Variants in KIAA1217 observed in about 807,000 individuals in gnomAD.
KIAA1217 encodes KIAA1217.
In KIAA1217, 88 loss-of-function variants were observed where a neutral mutation model predicts 163.9. That is an observed-to-expected ratio of 0.54 (90% CI 0.45 to 0.64). The LOEUF (loss-of-function observed/expected upper bound fraction) is 0.64. Ranked by LOEUF, KIAA1217 falls within the 30% of genes least tolerant of loss-of-function variation. The pLI, the probability that KIAA1217 is intolerant of heterozygous loss-of-function variation, is 0.00. For missense variants in KIAA1217, 2,372 were observed against 2,475.0 expected (o/e 0.96, Z 0.88); for synonymous variants, 903 against 923.1 (o/e 0.98, Z 0.39).
intron 14 of KIAA1217, among the ~76,000 whole-genome samples, chr10:24,531,442 T>C (rs1030759159): frequency 4.6e-5 from 7 of 152,200 alleles, no homozygotes; most frequent in Non-Finnish European, 8.8e-5. Context: ...GCTTCAATTT[T>C]TTTTTTTTAT....
At chr10:23,950,545 G>A (rs906361461) in intron 1 of KIAA1217, among the ~76,000 whole-genome samples, 9 of 151,900 alleles carry the variant, frequency 5.9e-5, no homozygotes, top group African/African-American at 2.2e-4. Flanking sequence ...CTGCTCTAGG[G>A]GTTTACTGGC....
At chr10:24,388,340 A>G (rs1486414939) in intron 3 of KIAA1217, among the ~76,000 whole-genome samples, 1 of 152,242 alleles carries the variant, frequency 6.6e-6, no homozygotes, top group Non-Finnish European at 1.5e-5. Flanking sequence ...TGGTGCCGGG[A>G]AAACTGGCTA....
intron 1 of KIAA1217, among the ~76,000 whole-genome samples, chr10:23,956,858 AAAAC>A (rs1844585983): frequency 6.6e-6 from 1 of 152,172 alleles, no homozygotes; most frequent in African/African-American, 2.4e-5. Flanking sequence ...GGACAGCATC[AAAAC>A]ATTCATGAAG....
intron 3 of KIAA1217, among the ~76,000 whole-genome samples, chr10:24,400,741 A>C (rs2056428911): frequency 6.6e-6 from 1 of 152,142 alleles, no homozygotes; most frequent in Admixed American, 6.5e-5. Context: ...AAATATGAGG[A>C]AATCTCACAA....
chr10:23,789,135 A>G (rs1215023058), intron 1 of KIAA1217, among the ~76,000 whole-genome samples: 1 of 152,212 alleles, frequency 6.6e-6, no homozygotes, highest in Non-Finnish European at 1.5e-5. Context: ...TTAGTAAGTG[A>G]AAAGAGAAAT....
chr10:23,819,322 T>G (rs377296444), intron 1 of KIAA1217, among the ~76,000 whole-genome samples: 2 of 152,150 alleles, frequency 1.3e-5, no homozygotes, highest in African/African-American at 4.8e-5. Context: ...AGAGGTCTTC[T>G]TGAAAGAGAG....
At chr10:24,272,060 C>T (rs564739955) in intron 2 of KIAA1217, among the ~76,000 whole-genome samples, 25 of 152,224 alleles carry the variant, frequency 1.6e-4, no homozygotes, top group African/African-American at 2.2e-4. Context: ...CGGGAGACAA[C>T]CTGACATCTC....
Position 23,897,088 on chromosome 10 carries a change from C to T in KIAA1217, c.-320-110137C>T, listed in dbSNP as rs140848373. On this transcript the variant is annotated intron_variant, in intron 1 of 18. Transcript: ENST00000376462. ...AGGCAAATATATGAAGCTCTGCAAG[C>T]GTTCATATAGTTAAACTTGTTTATC... Among the ~76,000 whole-genome samples the T allele has an allele frequency of 9.5e-4, 144 of 152,104 alleles. No homozygotes were observed. In the South Asian group the frequency reaches 0.016, roughly 17 times the overall value.
At chr10:23,702,991 G>C (rs909926270) in intron 1 of KIAA1217, among the ~76,000 whole-genome samples, 5 of 151,982 alleles carry the variant, frequency 3.3e-5, no homozygotes, top group Admixed American at 2.6e-4. Context: ...CTCCCAAAGC[G>C]CTTCTGGTTG....
intron 2 of KIAA1217, among the ~76,000 whole-genome samples, chr10:24,201,865 C>T (rs1043823368): frequency 6.6e-6 from 1 of 152,208 alleles, no homozygotes; most frequent in Non-Finnish European, 1.5e-5. Context: ...AAAGCAGGGG[C>T]TACAGTGAGC....
intron 5 of KIAA1217, among the ~76,000 whole-genome samples, chr10:24,447,130 T>C (rs1027417428): frequency 1.3e-5 from 2 of 152,176 alleles, no homozygotes; most frequent in East Asian, 1.9e-4. Context: ...TGCCCCGCTC[T>C]CTTTGTGCAC....
intron 9 of KIAA1217, among the ~76,000 whole-genome samples, chr10:24,503,102 C>T (rs545465639): frequency 5.3e-5 from 8 of 152,168 alleles, no homozygotes; most frequent in African/African-American, 1.4e-4. Context: ...TTCAGCACAG[C>T]GACAGCACAA....
At chr10:24,227,937 T>G (rs1458025726) in intron 2 of KIAA1217, among the ~76,000 whole-genome samples, 2 of 152,124 alleles carry the variant, frequency 1.3e-5, no homozygotes, top group South Asian at 2.1e-4. Context: ...CAGGCTTCCT[T>G]AGGGTCCCCT....
intron 17 of KIAA1217, among the ~76,000 whole-genome samples, chr10:24,540,662 G>A (rs980899117): frequency 3.9e-5 from 6 of 152,160 alleles, no homozygotes; most frequent in Non-Finnish European, 7.3e-5. Context: ...ATCCATCCAC[G>A]ATTCAGGGGG....
At chr10:24,064,270 C>T (rs1037453889) in intron 2 of KIAA1217, among the ~76,000 whole-genome samples, 1 of 152,104 alleles carries the variant, frequency 6.6e-6, no homozygotes, top group South Asian at 2.1e-4. Context: ...ATGATATTGG[C>T]TGTGGGTTTG....
chr10:23,756,373 G>A (rs1168942572), intron 1 of KIAA1217, among the ~76,000 whole-genome samples: 1 of 152,130 alleles, frequency 6.6e-6, no homozygotes, highest in Non-Finnish European at 1.5e-5. Flanking sequence ...GGCTACTAAA[G>A]ATGAGTTTCA....
intron 2 of KIAA1217, among the ~76,000 whole-genome samples, chr10:24,378,458 C>T (rs1316165493): frequency 1.3e-5 from 2 of 152,138 alleles, no homozygotes; most frequent in African/African-American, 4.8e-5. Context: ...GCAGTTACTG[C>T]CCCAGACTCC....
intron 2 of KIAA1217, among the ~76,000 whole-genome samples, chr10:24,073,283 T>C (rs180828944): frequency 4.0e-4 from 61 of 152,096 alleles, no homozygotes; most frequent in African/African-American, 1.2e-3. Flanking sequence ...GGGGTCTAGA[T>C]TTCCTGGGCG....
chr10:24,312,911 G>A (rs2042894780), intron 2 of KIAA1217, among the ~76,000 whole-genome samples: 1 of 152,110 alleles, frequency 6.6e-6, no homozygotes, highest in Non-Finnish European at 1.5e-5. Context: ...GCACATCCTT[G>A]TCTCAAACAA....
Sources: gnomAD v4.1 joint callset for allele counts (sites outside exome capture counted in the v4.1 genomes callset) on GRCh38, gnomAD v4.1.1 for gene constraint, MANE v1.5 for transcripts, NCBI Gene and HGNC (gene_info 2026-07-23, HGNC 2026-07-21) for gene names.